Variants in SLC41A1 observed in about 807,000 individuals in gnomAD.
SLC41A1 encodes the protein solute carrier family 41 member 1, also known as solute carrier family 41 (magnesium transporter), member 1.
Under a neutral mutation model 47.3 loss-of-function variants are expected in SLC41A1, and 20 were observed. The observed-to-expected ratio is 0.42, with a 90% CI of 0.30 to 0.61. SLC41A1 has a LOEUF of 0.61. SLC41A1 is among the 20% of genes least tolerant of loss of function. The pLI is 0.17. For synonymous variants in SLC41A1, 282 were observed against 272.7 expected (o/e 1.03, Z -0.34); for missense variants, 504 against 674.1 (o/e 0.75, Z 2.79).
chr1:205,807,663 T>TC (rs1656046416), intron 2 of SLC41A1, among the ~76,000 whole-genome samples: 1 of 147,268 alleles, frequency 6.8e-6, no homozygotes, highest in Admixed American at 6.8e-5. Flanking sequence ...TTTTTTTTTT[T>TC]TTTTTTTTTT....
chr1:205,796,635 A>G (rs1416386488), intron 8 of SLC41A1: 16 of 482,684 alleles, frequency 3.3e-5, no homozygotes, highest in Non-Finnish European at 6.1e-5. Context: ...GCCAGTTTCA[A>G]GTATTCTGTT....
rs1655725804 is a variant in SLC41A1, at chr1:205,795,413, T to C, written c.1138A>G (p.Met380Val). The C allele has an allele frequency of 6.2e-7, 1 of 1,614,088 alleles. No homozygotes were observed. The highest frequency in any genetic ancestry group is 1.7e-5 in the Admixed American group (1 of 60,010). Residue 380 changes from methionine (M) to valine (V), a missense_variant, in exon 9 of 11, where the codon ATG (methionine) becomes GTG (valine). Met to Val is a conservative substitution (Grantham distance 21). Around this residue, in one of 2 missense-constraint regions of SLC41A1, gnomAD observed 421 missense variants for 601.6 expected, o/e 0.70. Transcript: ENST00000367137. ...RISTFLHMNG[M>V]PGENSEQAPR... is the part of the protein sequence containing the mutation. ...GCTTGCTCAGAGTTCTCTCCGGGCA[T>C]TCCATTCATGTGCAGGAAGGTGGAG...
chr1:205,805,711 T>C (rs823074), intron 2 of SLC41A1, among the ~76,000 whole-genome samples: 43,143 of 152,046 alleles, frequency 0.28, 8,169 homozygotes, highest in Non-Finnish European at 0.41. Context: ...GGTGAGGGAA[T>C]AGACTGCCTC....
rs1655715859 is a variant in SLC41A1 at position 205,795,164 on chromosome 1, C to A, written c.1208-146G>T. 3 of 1,422,094 alleles carry A rather than the reference C, an allele frequency of 2.1e-6. No homozygotes were observed. The East Asian group carries it at 7.2e-5, about 34-fold the overall frequency. 88.1% of individuals were successfully genotyped at this position (1,422,094 alleles called of 1,614,324 possible). On this transcript the variant is annotated intron_variant, in intron 9 of 10. Coordinates refer to ENST00000367137, the MANE Select transcript of SLC41A1 (RefSeq NM_173854.6). ...ACTTCTGCATCCTGTGGTCTCCAAC[C>A]CCTAGGGTGCTCCAGGAAAAGACAG...
intron 10 of SLC41A1, among the ~76,000 whole-genome samples, chr1:205,793,155 C>T (rs1017265772): frequency 1.3e-5 from 2 of 152,182 alleles, no homozygotes; most frequent in African/African-American, 4.8e-5. Flanking sequence ...TTGGGACATG[C>T]CCTAGGAAGG....
intron 10 of SLC41A1, 46 bp downstream of exon 10, chr1:205,794,824 G>A (rs758188359): frequency 1.2e-6 from 2 of 1,611,412 alleles, no homozygotes; most frequent in South Asian, 1.1e-5. Context: ...CATCCCTGCA[G>A]GGCATCCTGG....
Position 205,812,953 on chromosome 1 carries a change from A to T in SLC41A1, c.-792T>A. 1.0e-6 allele frequency: 1 copy of T among 985,588 alleles called. No homozygotes were observed. Among genetic ancestry groups the T allele is most frequent in the Non-Finnish European group, 1.2e-6 (1 of 830,106 alleles). 61.1% of individuals were successfully genotyped at this position (985,588 alleles called of 1,614,324 possible). A position where few individuals can be genotyped will look rare whatever the true frequency, so the allele number is the denominator to read the frequency against. On this transcript the variant is annotated 5_prime_UTR_variant, in exon 1 of 11. Transcript: ENST00000367137. ...GGCGTGCCCCCCCACACCCCCAGCC[A>T]AGGCGAGCGTCCAGCCGCGACACCC...
chr1:205,792,193 T>C (rs1655641953), intron 10 of SLC41A1, among the ~76,000 whole-genome samples: 1 of 152,194 alleles, frequency 6.6e-6, no homozygotes, highest in East Asian at 1.9e-4. Context: ...GGTATAAGGA[T>C]AGTGTTTGAA....
chr1:205,795,495 G>A lies in SLC41A1; in HGVS notation c.1073-17C>T, dbSNP rs376824280. 108 of 1,614,048 alleles carry A rather than the reference G, an allele frequency of 6.7e-5. 2 individuals carry two copies. The South Asian group carries it at 1.1e-3, about 16-fold the overall frequency. ...CCCCAACACCTGCAGAGACACATACGGGCTTAGACACAGACAGAGGTCAGA... is the reference window on the plus strand; with the variant it reads ...CCCCAACACCTGCAGAGACACATACAGGCTTAGACACAGACAGAGGTCAGA... On this transcript the variant is annotated splice_polypyrimidine_tract_variant and intron_variant, in intron 8 of 10. Transcript: ENST00000367137.
At position 205,798,975 on chromosome 1, in the gene SLC41A1, T is replaced by A; in HGVS notation, c.679A>T (p.Ile227Phe). ...TTCTTACCCAGTACCAGGGAGGCAA[T>A]GAAGGCTGTGGCCACGCTGCTAGCA... Reference protein sequence around the residue: ...LCASSVATAFIASLVLGMIMI... With the variant: ...LCASSVATAFFASLVLGMIMI... The change falls in exon 5 of 11, where the codon ATT becomes TTT. Residue 227 changes from isoleucine (I) to phenylalanine (F), a missense_variant. Coordinates refer to ENST00000367137, the MANE Select transcript of SLC41A1 (RefSeq NM_173854.6). 1 of 1,614,000 alleles carries A rather than the reference T, an allele frequency of 6.2e-7. No homozygotes were observed. The highest frequency in any genetic ancestry group is 1.7e-4 in the Middle Eastern group (1 of 6,058).
intron 8 of SLC41A1, 53 bp downstream of exon 8, chr1:205,796,871 G>A (rs1354641905): frequency 6.4e-7 from 1 of 1,563,180 alleles, no homozygotes; most frequent in Non-Finnish European, 8.7e-7. Flanking sequence ...CTCTTCTCCT[G>A]TCCCTTTCCT....
chr1:205,807,960 GTTTTT>G (rs113940724), intron 2 of SLC41A1, among the ~76,000 whole-genome samples: 2 of 142,374 alleles, frequency 1.4e-5, no homozygotes, highest in African/African-American at 5.1e-5. Context: ...CCCAGCCAGA[GTTTTT>G]TTTTTTTTGA....
chr1:205,802,234 G>C (rs780272929), intron 2 of SLC41A1, among the ~76,000 whole-genome samples: 48 of 152,150 alleles, frequency 3.2e-4, no homozygotes, highest in Non-Finnish European at 4.9e-4. Context: ...ACTGGACCAA[G>C]AGCCTTGGGT....
intron 9 of SLC41A1, 49 bp from the exon 10 acceptor site, chr1:205,795,067 G>A: frequency 6.2e-7 from 1 of 1,605,710 alleles, no homozygotes; most frequent in Non-Finnish European, 8.5e-7. Context: ...GAGAAGACCT[G>A]GCCCCAGAAG....
At chr1:205,806,941 T>TG (rs1656027361) in intron 2 of SLC41A1, among the ~76,000 whole-genome samples, 1 of 152,132 alleles carries the variant, frequency 6.6e-6, no homozygotes, top group Non-Finnish European at 1.5e-5. Context: ...CAAGGAAAGA[T>TG]GGGGGCCCTG....
At chr1:205,809,791 T>C (rs1021463758) in intron 2 of SLC41A1, among the ~76,000 whole-genome samples, 4 of 152,144 alleles carry the variant, frequency 2.6e-5, no homozygotes, top group Admixed American at 2.6e-4. Context: ...GCAACGACCC[T>C]GTTCCATCTC....
intron 2 of SLC41A1, among the ~76,000 whole-genome samples, chr1:205,805,154 G>T (rs185181355): frequency 6.6e-6 from 1 of 152,170 alleles, no homozygotes; most frequent in East Asian, 1.9e-4. Flanking sequence ...AAGTCTTCCC[G>T]ACTCTTACAG....
intron 5 of SLC41A1, 28 bp from the exon 6 acceptor site, chr1:205,798,843 G>A: frequency 6.2e-7 from 1 of 1,614,184 alleles, no homozygotes; most frequent in Non-Finnish European, 8.5e-7. Flanking sequence ...GGAGGGGCAG[G>A]CAGGGTGAGA....
Position 205,810,258 on chromosome 1 carries a change from C to T in SLC41A1, c.184G>A (p.Glu62Lys). The T allele has an allele frequency of 1.2e-6, 2 of 1,614,204 alleles. No individual in the cohort carries two copies. Among genetic ancestry groups the T allele is most frequent in the Non-Finnish European group, 1.7e-6 (2 of 1,180,036 alleles). Residue 62 changes from glutamate (E) to lysine (K), a missense_variant, in exon 2 of 11, where the codon GAG becomes AAG. By Grantham distance (56) the Glu-to-Lys change is moderately conservative (BLOSUM62 1). Transcript: ENST00000367137. The surrounding 1 kb of genome is among the most constrained non-coding windows in gnomAD (Gnocchi z 5.5). ...ESRANAKGVREEDALLENGSQ... is the reference protein window; with the variant it reads ...ESRANAKGVRKEDALLENGSQ... ...CCGTTCTCCAGCAGGGCGTCCTCCT[C>T]CCGAACCCCCTTGGCGTTGGCCCGA...
Sources: allele counts gnomAD v4.1 joint callset (sites outside exome capture counted in the v4.1 genomes callset), GRCh38; gene constraint gnomAD v4.1.1; regional missense constraint gnomAD v4.1.1; non-coding constraint Gnocchi (gnomAD v3.1); transcripts MANE v1.5; gene names NCBI Gene and HGNC (gene_info 2026-07-23, HGNC 2026-07-21).